XKR7: variants seen among roughly 807,000 people sequenced by gnomAD.
The protein encoded by XKR7 is XK-related protein 7.
In XKR7, 11 loss-of-function variants were observed where a neutral mutation model predicts 42.2. That is an observed-to-expected ratio of 0.26 (90% confidence interval 0.16 to 0.43). XKR7 has a LOEUF of 0.43. XKR7 is among the 20% of genes least tolerant of loss of function. The probability of loss-of-function intolerance (pLI) is 1.00; values close to 1 mark genes in which losing one functional copy is unlikely to be tolerated. For missense variants in XKR7, 710 were observed against 802.2 expected (o/e 0.89, Z 1.39); for synonymous variants, 346 against 366.4 (o/e 0.94, Z 0.64).
intron 1 of XKR7, among the ~76,000 whole-genome samples, chr20:31,987,579 C>T (rs1198110024): frequency 6.6e-6 from 1 of 151,782 alleles, no homozygotes; most frequent in Non-Finnish European, 1.5e-5. Context: ...AAAGCGGCCC[C>T]AGTATCAAGA....
chr20:32,001,803 G>A lies in XKR7; in HGVS notation c.*4346G>A, dbSNP rs2064626290. ...TTCTGTGCTGGCCCCTGCCACCTTT[G>A]GCACCTGTCTCCCTCCCAGTTCAAG... is the stretch of plus-strand genomic sequence containing the variant. On this transcript the variant is annotated 3_prime_UTR_variant, in exon 3 of 3. Transcript: ENST00000562532. 1 of 152,268 alleles carries A rather than the reference G, an allele frequency of 6.6e-6. No homozygotes were observed. Among genetic ancestry groups the A allele is most frequent in the Admixed American group, 6.5e-5 (1 of 15,282 alleles). 9.4% of individuals were successfully genotyped at this position (152,268 alleles called of 1,614,324 possible).
At chr20:31,976,019 G>C (rs1466017774) in intron 1 of XKR7, among the ~76,000 whole-genome samples, 1 of 152,154 alleles carries the variant, frequency 6.6e-6, no homozygotes, top group Non-Finnish European at 1.5e-5. Context: ...TAACCTTTCT[G>C]GACCTCAGCT....
intron 1 of XKR7, among the ~76,000 whole-genome samples, chr20:31,987,604 C>A (rs1304441942): frequency 6.6e-6 from 1 of 151,448 alleles, no homozygotes; most frequent in African/African-American, 2.4e-5. Context: ...GACACACAGA[C>A]CTCCAAGAGG....
chr20:31,996,611 C>T lies in XKR7; in HGVS notation c.894C>T (p.Gly298=), dbSNP rs776725047. The T allele has an allele frequency of 1.9e-6, 3 of 1,572,106 alleles. No individual in the cohort carries two copies. The highest frequency in any genetic ancestry group is 3.7e-5 in the Admixed American group (2 of 53,898). Residue 298 remains glycine, a synonymous_variant, in exon 3 of 3, where the codon GGC becomes GGT. Transcript: ENST00000562532. The part of the protein sequence containing the change: ...RDDKRPLSYK[G]AVAQVLWHLF... ...ACAAGCGGCCGCTGTCCTACAAGGG[C>T]GCCGTGGCACAGGTGCTGTGGCACC... is the stretch of plus-strand genomic sequence containing the variant.
intron 1 of XKR7, among the ~76,000 whole-genome samples, chr20:31,991,283 C>T (rs1327819692): frequency 6.6e-6 from 1 of 152,168 alleles, no homozygotes; most frequent in Non-Finnish European, 1.5e-5. Flanking sequence ...TCTCTCCTTC[C>T]TAGTCAAAGC....
Position 31,989,727 on chromosome 20 carries a change from C to T in XKR7, c.585-5341C>T, listed in dbSNP as rs148836601. 3.0e-3 allele frequency among the ~76,000 whole-genome samples: 460 copies of T among 152,308 alleles called. 1 individual carries two copies. Among genetic ancestry groups the T allele is most frequent in the Middle Eastern group, 0.017 (5 of 294 alleles). On this transcript the variant is annotated intron_variant, in intron 1 of 2. Transcript: ENST00000562532. Reference sequence around the variant, plus strand: ...CTCCTGGACTCAAGTGATCTTCCCACCTCAGCCTCCTGAGTAGCTGGGACT... The same window carrying T: ...CTCCTGGACTCAAGTGATCTTCCCATCTCAGCCTCCTGAGTAGCTGGGACT...
intron 1 of XKR7, among the ~76,000 whole-genome samples, chr20:31,978,998 G>C (rs187431312): frequency 6.6e-6 from 1 of 152,052 alleles, no homozygotes. Flanking sequence ...AGCTGGGCAT[G>C]GTGGCACACG....
Position 31,997,346 on chromosome 20 carries a change from G to A in XKR7, c.1629G>A (p.Arg543=), listed in dbSNP as rs972291965. ...PAWDAHFIDR[R]LRKTILALEY... The stretch of plus-strand genomic sequence containing the variant: ...GGGATGCTCATTTTATTGACCGCCG[G>A]CTCCGGAAGACCATCCTGGCACTGG... The change falls in exon 3 of 3, where the codon CGG becomes CGA. Residue 543 remains arginine (R), a synonymous_variant. Transcript: ENST00000562532. The A allele has an allele frequency of 2.5e-6, 4 of 1,606,288 alleles. No individual in the cohort carries two copies. Among genetic ancestry groups the A allele is most frequent in the Middle Eastern group, 1.6e-4 (1 of 6,062 alleles).
rs983050797 is a variant in XKR7, at chr20:32,000,521, A to G, written c.*3064A>G. 6.6e-6 allele frequency: 1 copy of G among 152,436 alleles called. No individual in the cohort carries two copies. Among genetic ancestry groups the G allele is most frequent in the Non-Finnish European group, 1.5e-5 (1 of 68,234 alleles). The allele number at this position is 152,436 out of a possible 1,614,324, so 9.4% of individuals were successfully genotyped here. A position where few individuals can be genotyped will look rare whatever the true frequency, so the allele number is the denominator to read the frequency against. On this transcript the variant is annotated 3_prime_UTR_variant, in exon 3 of 3. Transcript: ENST00000562532. ...GAGACCCAGAGAGGACCAAGGACTCACCAAAGGCCACACAGGAAGTCAGTG... is the reference window on the plus strand; with the variant it reads ...GAGACCCAGAGAGGACCAAGGACTCGCCAAAGGCCACACAGGAAGTCAGTG...
intron 1 of XKR7, among the ~76,000 whole-genome samples, chr20:31,983,637 G>T (rs1471405710): frequency 6.6e-6 from 1 of 152,188 alleles, no homozygotes; most frequent in Non-Finnish European, 1.5e-5. Flanking sequence ...AAGGGTCATG[G>T]TGAAGAGTTA....
chr20:31,971,476 G>A (rs2064465462), intron 1 of XKR7, among the ~76,000 whole-genome samples: 1 of 152,192 alleles, frequency 6.6e-6, no homozygotes, highest in South Asian at 2.1e-4. Context: ...ATAAATGGAG[G>A]GAAAACCCAG....
chr20:31,995,114 G>A lies in XKR7; in HGVS notation c.631G>A (p.Glu211Lys), dbSNP rs1431912132. Reference protein sequence around the residue: ...YLGLQSRWRGERLRRHFYWQM... With the variant: ...YLGLQSRWRGKRLRRHFYWQM... ...GGGGCTGCAGAGCCGCTGGCGCGGG[G>A]AGCGGCTGCGGCGCCACTTCTACTG... The change falls in exon 2 of 3, where the codon GAG (glutamate) becomes AAG (lysine). Residue 211 changes from glutamate to lysine, a missense_variant. Glu to Lys is a moderately conservative substitution (Grantham distance 56). This residue lies in a region of XKR7 where 708 missense variants were observed against 786.2 expected (regional missense o/e 0.90). Coordinates refer to ENST00000562532, the MANE Select transcript of XKR7 (RefSeq NM_001011718.2). The surrounding 1 kb of genome is among the most constrained non-coding windows in gnomAD (Gnocchi z 4.1). 2.6e-6 allele frequency: 4 copies of A among 1,557,598 alleles called. No individual in the cohort carries two copies. The highest frequency in any genetic ancestry group is 3.5e-6 in the Non-Finnish European group (4 of 1,151,794).
intron 1 of XKR7, among the ~76,000 whole-genome samples, chr20:31,970,999 C>T (rs984708207): frequency 6.6e-6 from 1 of 152,204 alleles, no homozygotes; most frequent in Non-Finnish European, 1.5e-5. Flanking sequence ...ACTCCAGGCT[C>T]TCTGCCTTTA....
chr20:31,971,823 G>T (rs747959821), intron 1 of XKR7, among the ~76,000 whole-genome samples: 7 of 152,266 alleles, frequency 4.6e-5, no homozygotes, highest in African/African-American at 1.7e-4. Flanking sequence ...GATACAAGGG[G>T]TGTCAGACAA....
Position 31,968,508 on chromosome 20 carries a change from G to A in XKR7, c.333G>A (p.Trp111Ter). The A allele has an allele frequency of 6.2e-7, 1 of 1,612,872 alleles. No homozygotes were observed. Among genetic ancestry groups the A allele is most frequent in the Non-Finnish European group, 8.5e-7 (1 of 1,179,456 alleles). The change falls in exon 1 of 3, where the codon TGG becomes TGA. Residue 111 changes from tryptophan to a stop codon, truncating the protein, a stop_gained. Coordinates refer to ENST00000562532, the MANE Select transcript of XKR7 (RefSeq NM_001011718.2). LOFTEE classifies it high-confidence loss of function. This position sits in a 1 kb window ranked among gnomAD's most constrained non-coding sequence, Gnocchi z 4.5. ...TCGTGCAGTTACTGAGCTTCCGCTG[G>A]TTCGTCTACGACTACTCGGAGCCCG... ...SLVVQLLSFRWFVYDYSEPAG... is the reference protein window; with the variant it reads ...SLVVQLLSFR
intron 1 of XKR7, among the ~76,000 whole-genome samples, chr20:31,992,203 T>C (rs1333467234): frequency 6.6e-6 from 1 of 152,180 alleles, no homozygotes; most frequent in East Asian, 1.9e-4. Flanking sequence ...CTTATAGCAT[T>C]ATTTCACTTC....
chr20:31,985,139 G>A (rs193177376), intron 1 of XKR7, among the ~76,000 whole-genome samples: 20 of 152,286 alleles, frequency 1.3e-4, no homozygotes, highest in African/African-American at 4.6e-4. Flanking sequence ...CTGGGGGGAT[G>A]TCCTACCCCT....
At chr20:31,987,910 G>A (rs2064550341) in intron 1 of XKR7, among the ~76,000 whole-genome samples, 1 of 152,210 alleles carries the variant, frequency 6.6e-6, no homozygotes, top group African/African-American at 2.4e-5. Flanking sequence ...TTGGAACTGA[G>A]CCAGGGACTG....
At position 31,995,368 on chromosome 20, in the gene XKR7, C is replaced by A; in HGVS notation, c.787+98C>A. Reference sequence around the variant, plus strand: ...GGGATGCCCTGTGGGCTTCCCCACCCCAGCTCAGGGCTCACTCAGTCAGGG... The same window carrying A: ...GGGATGCCCTGTGGGCTTCCCCACCACAGCTCAGGGCTCACTCAGTCAGGG... On this transcript the variant is annotated intron_variant, in intron 2 of 2. Transcript: ENST00000562532. This position sits in a 1 kb window ranked among gnomAD's most constrained non-coding sequence, Gnocchi z 4.1. The A allele has an allele frequency of 1.3e-6, 2 of 1,511,036 alleles. No individual in the cohort carries two copies. Among genetic ancestry groups the A allele is most frequent in the Non-Finnish European group, 1.8e-6 (2 of 1,136,988 alleles). The allele number at this position is 1,511,036 out of a possible 1,614,324, so 93.6% of individuals were successfully genotyped here. A position where few individuals can be genotyped will look rare whatever the true frequency, so the allele number is the denominator to read the frequency against.
Sources: gnomAD v4.1 joint callset for allele counts (sites outside exome capture counted in the v4.1 genomes callset) on GRCh38, gnomAD v4.1.1 for gene constraint, gnomAD v4.1.1 regional missense constraint, Gnocchi (gnomAD v3.1) non-coding constraint, MANE v1.5 for transcripts, NCBI Gene and HGNC (gene_info 2026-07-23, HGNC 2026-07-21) for gene names.